SVIL: variants seen among roughly 807,000 people sequenced by gnomAD.
SVIL encodes supervillin, also known as archvillin.
A neutral mutation model predicts 240.4 loss-of-function variants in SVIL; 101 were observed. That is an observed-to-expected ratio of 0.42 (90% CI 0.36 to 0.50). The LOEUF is 0.50. Ranked by LOEUF, SVIL falls within the 20% of genes least tolerant of loss-of-function variation. SVIL has a pLI of 0.01. For missense variants in SVIL, 2,512 were observed against 2,818.7 expected (o/e 0.89, Z 2.46); for synonymous variants, 999 against 1,100.0 (o/e 0.91, Z 1.82).
At chr10:29,533,555 G>C (rs1951532056) in intron 7 of SVIL, 97 bp from the exon 8 acceptor site, 1 of 1,462,434 alleles carries the variant, frequency 6.8e-7, no homozygotes, top group Non-Finnish European at 9.0e-7. Flanking sequence ...AATGGAAACT[G>C]ACCTGAGAGA....
At chr10:29,649,949 G>T (rs145284864) in intron 3 of SVIL, among the ~76,000 whole-genome samples, 1 of 152,200 alleles carries the variant, frequency 6.6e-6, no homozygotes, top group Non-Finnish European at 1.5e-5. Context: ...ATAAAAGTGC[G>T]TACATTTCTC....
rs535337891 is a variant in SVIL at position 29,666,311 on chromosome 10, G to A, written c.-300-8243C>T. Among the ~76,000 whole-genome samples, 130 of 152,254 alleles carry A rather than the reference G, an allele frequency of 8.5e-4. 1 individual carries two copies. The highest frequency in any genetic ancestry group is 3.1e-3 in the African/African-American group (129 of 41,560). ...TAAAAAGGTTTTCACAAGATTTCACGACATCCTAAGTAGTATCTCCAAGAT... is the reference window on the plus strand; with the variant it reads ...TAAAAAGGTTTTCACAAGATTTCACAACATCCTAAGTAGTATCTCCAAGAT... On this transcript the variant is annotated intron_variant, in intron 2 of 35. Coordinates refer to the SVIL transcript ENST00000375400.
chr10:29,591,946 T>C lies in SVIL; in HGVS notation c.-200-22634A>G, dbSNP rs559051109. On this transcript the variant is annotated intron_variant, in intron 1 of 37. Transcript: ENST00000355867. ...GTTCTGGGTACTGCTCTAATGCTCA[T>C]GGGACATAAAGAGGTTTCTCTGGGC... Among the ~76,000 whole-genome samples the C allele has an allele frequency of 3.9e-5, 6 of 152,344 alleles. No individual in the cohort carries two copies. The East Asian group carries it at 9.6e-4, about 24-fold the overall frequency.
intron 21 of SVIL, among the ~76,000 whole-genome samples, chr10:29,492,921 A>T (rs561632893): frequency 2.4e-4 from 37 of 152,358 alleles, no homozygotes; most frequent in Non-Finnish European, 4.9e-4. Flanking sequence ...AACAATATTT[A>T]CATTATGTGA....
At chr10:29,481,121 C>T (rs11007610) in intron 28 of SVIL, among the ~76,000 whole-genome samples, 14,360 of 136,052 alleles carry the variant, frequency 0.11, 868 homozygotes, top group Non-Finnish European at 0.14. Flanking sequence ...GGGAAGGCTT[C>T]CTAGCTTTAA....
Position 29,524,668 on chromosome 10 carries a change from T to C in SVIL, c.2390A>G (p.Asn797Ser), listed in dbSNP as rs1179851245. The C allele has an allele frequency of 6.2e-7, 1 of 1,614,152 alleles. No homozygotes were observed. Among genetic ancestry groups the C allele is most frequent in the Non-Finnish European group, 8.5e-7 (1 of 1,180,018 alleles). Reference protein sequence around the residue: ...HQKALAKDQTNEGKELAEQGE... With the variant: ...HQKALAKDQTSEGKELAEQGE... ...TTGCTCAGCAAGCTCTTTGCCCTCA[T>C]TTGTCTGGTCCTTGGCTAAGGCCTT... Residue 797 changes from asparagine (N) to serine (S), a missense_variant, in exon 14 of 38, where the codon AAT becomes AGT. Physicochemically the swap from Asn to Ser is conservative, Grantham distance 46. This residue lies in a region of SVIL where 1,443 missense variants were observed against 1,486.6 expected (regional missense o/e 0.97). Transcript: ENST00000355867.
chr10:29,509,055 T>C (rs1328765639), intron 17 of SVIL, among the ~76,000 whole-genome samples: 1 of 152,220 alleles, frequency 6.6e-6, no homozygotes, highest in East Asian at 1.9e-4. Context: ...TTTGCTTCGT[T>C]TGATTTCTCT....
rs201105295 is a variant in SVIL, at chr10:29,486,196, T to C, written c.4668A>G (p.Glu1556=). Residue 1556 remains glutamate, a synonymous_variant, in exon 26 of 38, where the codon GAA becomes GAG. Coordinates refer to ENST00000355867, the MANE Select transcript of SVIL (RefSeq NM_021738.3). ...TGCAGTTAGTTTCTATTATGGCTGC[T>C]TCATAGAGTTCATCTTCTTTTGGGT... The part of the protein sequence containing the change: ...AGDPKEDELY[E]AAIIETNCIY... The C allele has an allele frequency of 6.7e-4, 1,081 of 1,614,212 alleles. No homozygotes were observed. Among genetic ancestry groups the C allele is most frequent in the Non-Finnish European group, 8.7e-4 (1,029 of 1,180,026 alleles).
At chr10:29,562,936 T>A (rs1022588695) in intron 3 of SVIL, among the ~76,000 whole-genome samples, 2 of 152,060 alleles carry the variant, frequency 1.3e-5, no homozygotes, top group African/African-American at 4.8e-5. Context: ...TTATGTTCCC[T>A]GTCTCACCCG....
intron 6 of SVIL, among the ~76,000 whole-genome samples, chr10:29,542,211 T>G (rs2478097): frequency 0.012 from 1,870 of 152,350 alleles, 19 homozygotes; most frequent in Non-Finnish European, 0.02. Context: ...TGCTATAGTT[T>G]GGTGACACTT....
intron 30 of SVIL, among the ~76,000 whole-genome samples, chr10:29,473,366 T>G (rs1356351918): frequency 2.0e-5 from 3 of 152,236 alleles, no homozygotes; most frequent in African/African-American, 7.2e-5. Context: ...GATCAAAGTT[T>G]TAAGGTTCTC....
chr10:29,629,032 G>A (rs1376964272), intron 1 of SVIL, among the ~76,000 whole-genome samples: 3 of 152,062 alleles, frequency 2.0e-5, no homozygotes, highest in African/African-American at 2.4e-5. Context: ...GTCTTGAAAG[G>A]TGTCCAAGAG....
chr10:29,496,507 G>A, intron 18 of SVIL: 2 of 433,462 alleles, frequency 4.6e-6, no homozygotes, highest in South Asian at 1.7e-5. Context: ...CAAAGCAACC[G>A]GAGAAATCCA....
At chr10:29,557,814 A>G (rs1954078241) in intron 3 of SVIL, among the ~76,000 whole-genome samples, 1 of 152,136 alleles carries the variant, frequency 6.6e-6, no homozygotes, top group Non-Finnish European at 1.5e-5. Flanking sequence ...AATTCTCAGG[A>G]TAGGATCTAG....
chr10:29,643,861 C>T, intron 3 of SVIL: 1 of 413,306 alleles, frequency 2.4e-6, no homozygotes, highest in Admixed American at 2.6e-5. Context: ...TAGCAGAGCT[C>T]AACACAAAGA....
chr10:29,704,055 G>A (rs962051651), intron 1 of SVIL, among the ~76,000 whole-genome samples: 5 of 152,028 alleles, frequency 3.3e-5, no homozygotes, highest in African/African-American at 9.7e-5. Flanking sequence ...CTCCCGCCTC[G>A]GCCTCTCAAA....
chr10:29,543,438 T>C (rs1288256673), intron 6 of SVIL, among the ~76,000 whole-genome samples: 4 of 152,214 alleles, frequency 2.6e-5, no homozygotes, highest in Non-Finnish European at 5.9e-5. Flanking sequence ...CTAATCACTT[T>C]GGCAGTCATA....
intron 20 of SVIL, 126 bp from the exon 21 acceptor site, chr10:29,493,517 T>C (rs1948158333): frequency 9.5e-7 from 1 of 1,048,858 alleles, no homozygotes; most frequent in Non-Finnish European, 1.4e-6. Context: ...GGTTGTGATA[T>C]ACAGGGTCCT....
At chr10:29,527,564 T>C (rs1003366009) in intron 12 of SVIL, among the ~76,000 whole-genome samples, 4 of 151,790 alleles carry the variant, frequency 2.6e-5, no homozygotes, top group African/African-American at 9.7e-5. Flanking sequence ...GTAGCTGGGA[T>C]TACAGGCGCG....
Sources: gnomAD v4.1 joint callset for allele counts (sites outside exome capture counted in the v4.1 genomes callset) on GRCh38, gnomAD v4.1.1 for gene constraint, gnomAD v4.1.1 regional missense constraint, MANE v1.5 for transcripts, NCBI Gene and HGNC (gene_info 2026-07-23, HGNC 2026-07-21) for gene names.